MCTP1: variants seen among roughly 807,000 people sequenced by gnomAD.
The protein encoded by MCTP1 is multiple C2 and transmembrane domain-containing protein 1.
A neutral mutation model predicts 120.6 loss-of-function variants in MCTP1; 69 were observed. The observed-to-expected ratio is 0.57, with a 90% CI of 0.47 to 0.70. The LOEUF (loss-of-function observed/expected upper bound fraction) is 0.70, where lower values mean the gene tolerates loss of function less well. MCTP1 is among the 30% of genes least tolerant of loss of function. The pLI is 0.00. For missense variants in MCTP1, 1,203 were observed against 1,248.8 expected (o/e 0.96, Z 0.55); for synonymous variants, 529 against 493.1 (o/e 1.07, Z -0.96).
At chr5:94,773,963 C>G (rs1173001430) in intron 19 of MCTP1, among the ~76,000 whole-genome samples, 1 of 39,234 alleles carries the variant, frequency 2.5e-5, no homozygotes, top group African/African-American at 1.4e-4. Flanking sequence ...AATCCCAGCA[C>G]TTTGGGAGGC....
In MCTP1 at chr5:94,704,063, T is replaced by C. The variant is rs1327713968; in HGVS notation, c.*3433A>G. ...TCATCCCAGGAAAAAGAATTATAATTGAAAGGAATGACACTATTGTAAGAA... is the reference window on the plus strand; with the variant it reads ...TCATCCCAGGAAAAAGAATTATAATCGAAAGGAATGACACTATTGTAAGAA... On this transcript the variant is annotated 3_prime_UTR_variant, in exon 23 of 23. Coordinates refer to ENST00000515393, the MANE Select transcript of MCTP1 (RefSeq NM_024717.7). The C allele has an allele frequency of 6.6e-6, 1 of 151,414 alleles. No individual in the cohort carries two copies. Among genetic ancestry groups the C allele is most frequent in the Admixed American group, 6.6e-5 (1 of 15,144 alleles). The allele number at this position is 151,414 out of a possible 1,614,324, so 9.4% of individuals were successfully genotyped here.
intron 6 of MCTP1, among the ~76,000 whole-genome samples, chr5:94,926,108 T>C (rs186935258): frequency 6.6e-6 from 1 of 152,304 alleles, no homozygotes; most frequent in East Asian, 1.9e-4. Flanking sequence ...ACATAAATCA[T>C]AGAAATCTTT....
chr5:94,712,516 G>C (rs1013087255), intron 20 of MCTP1, among the ~76,000 whole-genome samples: 4 of 151,760 alleles, frequency 2.6e-5, no homozygotes, highest in African/African-American at 9.7e-5. Context: ...GGAATTAGTT[G>C]TTCCTTACCT....
rs1406689161 is a variant in MCTP1 at position 94,705,797 on chromosome 5, T to C, written c.*1699A>G. 4.0e-5 allele frequency: 6 copies of C among 151,664 alleles called. No individual in the cohort carries two copies. The highest frequency in any genetic ancestry group is 8.9e-5 in the Non-Finnish European group (6 of 67,738). 9.4% of individuals were successfully genotyped at this position (151,664 alleles called of 1,614,324 possible). A position where few individuals can be genotyped will look rare whatever the true frequency, so the allele number is the denominator to read the frequency against. The stretch of plus-strand genomic sequence containing the variant: ...ACAGTTATCTCATCAATAAACTTTC[T>C]GTAGTAACATCATGTTCATGGAACA... On this transcript the variant is annotated 3_prime_UTR_variant, in exon 23 of 23. Coordinates refer to ENST00000515393, the MANE Select transcript of MCTP1 (RefSeq NM_024717.7).
At chr5:95,212,578 C>A (rs1414468013) in intron 1 of MCTP1, among the ~76,000 whole-genome samples, 6 of 152,040 alleles carry the variant, frequency 3.9e-5, no homozygotes, top group African/African-American at 1.4e-4. Context: ...AATTTTAGAC[C>A]AATATCCTTG....
At chr5:94,995,287 T>A (rs1451519339) in intron 2 of MCTP1, among the ~76,000 whole-genome samples, 1 of 152,168 alleles carries the variant, frequency 6.6e-6, no homozygotes, top group Non-Finnish European at 1.5e-5. Flanking sequence ...TTTCCAGAGT[T>A]TATGATTCAG....
intron 17 of MCTP1, among the ~76,000 whole-genome samples, chr5:94,807,022 C>T (rs1782479103): frequency 6.6e-6 from 1 of 152,208 alleles, no homozygotes; most frequent in Admixed American, 6.5e-5. Flanking sequence ...CTCAGACCTT[C>T]ACAGTATTAA....
chr5:94,918,029 C>G, intron 7 of MCTP1, 56 bp from the exon 8 acceptor site: 2 of 1,323,734 alleles, frequency 1.5e-6, no homozygotes, highest in Non-Finnish European at 2.2e-6. Context: ...CATTCTCAAC[C>G]CCTCATTTTG....
At chr5:95,029,130 T>G (rs1839835644) in intron 1 of MCTP1, among the ~76,000 whole-genome samples, 1 of 142,006 alleles carries the variant, frequency 7.0e-6, no homozygotes, top group Non-Finnish European at 1.5e-5. Flanking sequence ...CACTACAGCC[T>G]GGGTGACAGA....
intron 1 of MCTP1, among the ~76,000 whole-genome samples, chr5:95,150,280 CT>C (rs2152456898): frequency 1.3e-5 from 2 of 152,222 alleles, no homozygotes; most frequent in African/African-American, 4.8e-5. Flanking sequence ...TTCACTAATG[CT>C]ATAATTATGT....
intron 5 of MCTP1, among the ~76,000 whole-genome samples, chr5:94,935,224 A>G (rs1427720657): frequency 2.0e-5 from 3 of 152,024 alleles, no homozygotes; most frequent in African/African-American, 7.2e-5. Flanking sequence ...TATGAAATAC[A>G]AATTGCTGCA....
At chr5:95,031,509 C>A (rs1171231572) in intron 1 of MCTP1, among the ~76,000 whole-genome samples, 1 of 152,072 alleles carries the variant, frequency 6.6e-6, no homozygotes. Context: ...AAAATGCCAG[C>A]CAAGAATTTC....
intron 12 of MCTP1, among the ~76,000 whole-genome samples, chr5:94,877,222 G>A (rs537236757): frequency 3.7e-4 from 57 of 152,232 alleles, no homozygotes; most frequent in African/African-American, 1.3e-3. Flanking sequence ...ATTTTACGAT[G>A]AGGAATATTT....
intron 17 of MCTP1, among the ~76,000 whole-genome samples, chr5:94,841,053 G>A (rs894257891): frequency 1.3e-5 from 2 of 152,180 alleles, no homozygotes; most frequent in African/African-American, 4.8e-5. Context: ...CTTTGACACT[G>A]GGGTGCCAAA....
chr5:95,196,345 T>C (rs896430110), intron 1 of MCTP1, among the ~76,000 whole-genome samples: 2 of 152,172 alleles, frequency 1.3e-5, no homozygotes, highest in African/African-American at 4.8e-5. Flanking sequence ...TCCTTTAAGG[T>C]AGGTGGTCCC....
chr5:94,976,788 C>A (rs1295699030), intron 2 of MCTP1: 1 of 152,098 alleles, frequency 6.6e-6, no homozygotes, highest in Non-Finnish European at 1.5e-5. Context: ...CCATGTAGCA[C>A]AACTGTATTT....
intron 19 of MCTP1, among the ~76,000 whole-genome samples, chr5:94,746,959 T>C (rs1446512978): frequency 6.6e-6 from 1 of 152,194 alleles, no homozygotes; most frequent in Non-Finnish European, 1.5e-5. Flanking sequence ...TTGAATACCT[T>C]TAAGTTCCTC....
chr5:94,737,109 C>T (rs1764447081), intron 19 of MCTP1, among the ~76,000 whole-genome samples: 1 of 152,166 alleles, frequency 6.6e-6, no homozygotes, highest in Non-Finnish European at 1.5e-5. Flanking sequence ...CTGCCTTAGC[C>T]TCTGGAGTAC....
intron 1 of MCTP1, among the ~76,000 whole-genome samples, chr5:95,274,773 A>G (rs957434324): frequency 4.0e-4 from 61 of 152,068 alleles, no homozygotes; most frequent in African/African-American, 1.2e-3. Flanking sequence ...ACAGGCGCCC[A>G]CCACCATGCC....
Sources: gnomAD v4.1 joint callset for allele counts (sites outside exome capture counted in the v4.1 genomes callset) on GRCh38, gnomAD v4.1.1 for gene constraint, MANE v1.5 for transcripts, NCBI Gene and HGNC (gene_info 2026-07-23, HGNC 2026-07-21) for gene names.